Variants in TMTC2 observed in about 807,000 individuals in gnomAD.
TMTC2 encodes the protein protein O-mannosyl-transferase TMTC2.
A neutral mutation model predicts 82.4 loss-of-function variants in TMTC2; 43 were observed. The observed-to-expected ratio is 0.52, with a 90% CI of 0.41 to 0.67. TMTC2 has a LOEUF of 0.67. TMTC2 is among the 30% of genes least tolerant of loss of function. The pLI is 0.00. For synonymous variants in TMTC2, 408 were observed against 381.9 expected (o/e 1.07, Z -0.80); for missense variants, 919 against 1,012.4 (o/e 0.91, Z 1.25).
intron 1 of TMTC2, among the ~76,000 whole-genome samples, chr12:82,812,799 C>CT (rs1256697776): frequency 6.6e-5 from 10 of 151,882 alleles, no homozygotes; most frequent in Non-Finnish European, 4.4e-5. Context: ...TGATAATTAA[C>CT]TATTTTTTAA....
intron 2 of TMTC2, among the ~76,000 whole-genome samples, chr12:82,871,881 G>A (rs1872198114): frequency 6.6e-6 from 1 of 151,752 alleles, no homozygotes. Context: ...GATGTTGAGG[G>A]TAAAGTAGTG....
At chr12:83,122,839 C>T (rs1466842463) in intron 11 of TMTC2, among the ~76,000 whole-genome samples, 5 of 152,160 alleles carry the variant, frequency 3.3e-5, no homozygotes, top group Non-Finnish European at 5.9e-5. Flanking sequence ...TCCTGCCTCC[C>T]GTCTGCCATG....
intron 1 of TMTC2, among the ~76,000 whole-genome samples, chr12:82,768,403 G>A (rs1877097073): frequency 6.6e-6 from 1 of 152,122 alleles, no homozygotes; most frequent in Non-Finnish European, 1.5e-5. Flanking sequence ...TTTTCTGCTT[G>A]TAAAAGAGGC....
intron 3 of TMTC2, among the ~76,000 whole-genome samples, chr12:82,929,211 C>T (rs150959464): frequency 1.5e-3 from 222 of 151,972 alleles, no homozygotes; most frequent in Middle Eastern, 6.8e-3. Flanking sequence ...ATCTAACACG[C>T]CAAGCTAATT....
In TMTC2 at chr12:82,702,141, C is replaced by T. The variant is rs529782452; in HGVS notation, c.83+14472C>T. Among the ~76,000 whole-genome samples the T allele has an allele frequency of 8.5e-5, 13 of 152,184 alleles. No homozygotes were observed. In the East Asian group the frequency reaches 9.7e-4, roughly 11 times the overall value. On this transcript the variant is annotated intron_variant, in intron 1 of 11. Coordinates refer to ENST00000321196, the MANE Select transcript of TMTC2 (RefSeq NM_152588.3). ...TTGGCCATTTTGGAGTAATTAATAA[C>T]GTTTGGAGTAAAACATTAGTGATAT...
intron 11 of TMTC2, among the ~76,000 whole-genome samples, chr12:83,097,574 A>C (rs1225274299): frequency 6.6e-6 from 1 of 152,226 alleles, no homozygotes; most frequent in East Asian, 1.9e-4. Context: ...TGAGCAGTAA[A>C]AAAGTAAGTA....
intron 4 of TMTC2, among the ~76,000 whole-genome samples, chr12:82,960,460 T>C (rs189570910): frequency 1.3e-4 from 20 of 152,196 alleles, no homozygotes; most frequent in Admixed American, 3.9e-4. Flanking sequence ...AAGTATATAA[T>C]TATGTATTTT....
chr12:82,705,712 G>A (rs983565056), intron 1 of TMTC2, among the ~76,000 whole-genome samples: 3 of 152,180 alleles, frequency 2.0e-5, no homozygotes, highest in African/African-American at 7.2e-5. Context: ...AGTGTGGGAT[G>A]CCTTCAGCTC....
chr12:82,921,572 C>A (rs932550768), intron 3 of TMTC2, among the ~76,000 whole-genome samples: 30 of 152,262 alleles, frequency 2.0e-4, no homozygotes, highest in African/African-American at 7.2e-4. Context: ...TGAGATGGAG[C>A]AGTAGCCCTT....
chr12:82,732,693 G>A (rs1244598575), intron 1 of TMTC2, among the ~76,000 whole-genome samples: 2 of 152,216 alleles, frequency 1.3e-5, no homozygotes, highest in African/African-American at 4.8e-5. Context: ...GGTAGCTATA[G>A]AAAGACAGAT....
chr12:82,912,596 A>G (rs1471637166), intron 3 of TMTC2, among the ~76,000 whole-genome samples: 1 of 152,202 alleles, frequency 6.6e-6, no homozygotes, highest in Non-Finnish European at 1.5e-5. Context: ...AGTAATCTGA[A>G]TATTTTCCAA....
intron 2 of TMTC2, among the ~76,000 whole-genome samples, chr12:82,859,232 T>C (rs1259154390): frequency 6.6e-6 from 1 of 152,096 alleles, no homozygotes; most frequent in Non-Finnish European, 1.5e-5. Flanking sequence ...CATGCTCAGC[T>C]AATTTTTGTA....
chr12:82,703,498 C>CTTTTT (rs539968079), intron 1 of TMTC2, among the ~76,000 whole-genome samples: 1 of 121,664 alleles, frequency 8.2e-6, no homozygotes, highest in African/African-American at 3.2e-5. Context: ...TAGTTTCTTT[C>CTTTTT]TTTTTTTTTT....
At chr12:82,907,538 A>T (rs1165587246) in intron 3 of TMTC2, among the ~76,000 whole-genome samples, 1 of 152,046 alleles carries the variant, frequency 6.6e-6, no homozygotes, top group Non-Finnish European at 1.5e-5. Context: ...AATGATTTCA[A>T]GTACAGTTTT....
In TMTC2 at chr12:82,965,599, G is replaced by A. The variant is rs753425767; in HGVS notation, c.1724G>A (p.Gly575Glu). ...ACCGGTATTATTCTAATGAACCAAGGAAGGACGGAAGAAGCCCGACGGACA... is the reference window on the plus strand; with the variant it reads ...ACCGGTATTATTCTAATGAACCAAGAAAGGACGGAAGAAGCCCGACGGACA... ...LNTGIILMNQ[G>E]RTEEARRTFL... The change falls in exon 6 of 12, where the codon GGA becomes GAA. Residue 575 changes from glycine to glutamate, a missense_variant. Gly to Glu is a moderately conservative substitution (Grantham distance 98). Coordinates refer to ENST00000321196, the MANE Select transcript of TMTC2 (RefSeq NM_152588.3). The A allele has an allele frequency of 9.0e-5, 146 of 1,613,522 alleles. No individual in the cohort carries two copies. The highest frequency in any genetic ancestry group is 6.6e-4 in the Middle Eastern group (4 of 6,084).
intron 1 of TMTC2, among the ~76,000 whole-genome samples, chr12:82,726,659 T>C (rs1313873657): frequency 6.6e-6 from 1 of 152,014 alleles, no homozygotes; most frequent in Non-Finnish European, 1.5e-5. Context: ...GGTGGGCAGA[T>C]CACAAGGTCA....
chr12:83,061,903 C>A (rs1169453589), intron 11 of TMTC2, 72 bp downstream of exon 11: 17 of 1,154,296 alleles, frequency 1.5e-5, no homozygotes, highest in Non-Finnish European at 1.9e-5. Flanking sequence ...TAAGAAGCAT[C>A]ATGATACTGG....
At chr12:83,012,886 G>A (rs181157076) in intron 8 of TMTC2, among the ~76,000 whole-genome samples, 58 of 152,188 alleles carry the variant, frequency 3.8e-4, no homozygotes, top group Admixed American at 9.2e-4. Flanking sequence ...GAAATAATGT[G>A]ATCATTTATA....
At chr12:82,823,697 T>C (rs1265050960) in intron 1 of TMTC2, among the ~76,000 whole-genome samples, 1 of 152,176 alleles carries the variant, frequency 6.6e-6, no homozygotes, top group Non-Finnish European at 1.5e-5. Flanking sequence ...TGGTCATTGA[T>C]TATTTTTACA....
Sources: gnomAD v4.1 joint callset for allele counts (sites outside exome capture counted in the v4.1 genomes callset) on GRCh38, gnomAD v4.1.1 for gene constraint, MANE v1.5 for transcripts, NCBI Gene and HGNC (gene_info 2026-07-23, HGNC 2026-07-21) for gene names.